Variants in ENOX1 observed in about 807,000 individuals in gnomAD.
The protein encoded by ENOX1 is ecto-NOX disulfide-thiol exchanger 1, also known as candidate growth-related and time keeping constitutive hydroquinone (NADH) oxidase.
ENOX1 carries 42 observed loss-of-function variants against 82.5 expected under a neutral mutation model. That is an observed-to-expected ratio of 0.51 (90% CI 0.40 to 0.66). ENOX1 has a LOEUF of 0.66. Ranked by LOEUF, ENOX1 falls within the 30% of genes least tolerant of loss-of-function variation. The pLI is 0.00. For missense variants in ENOX1, 608 were observed against 811.6 expected (o/e 0.75, Z 3.05); for synonymous variants, 271 against 282.2 (o/e 0.96, Z 0.40).
chr13:43,570,306 G>A (rs2080120792), intron 2 of ENOX1, among the ~76,000 whole-genome samples: 1 of 152,154 alleles, frequency 6.6e-6, no homozygotes, highest in Non-Finnish European at 1.5e-5. Flanking sequence ...ATGGTCATCT[G>A]AGAGTCAGCA....
At chr13:43,608,772 T>C (rs1404588186) in intron 2 of ENOX1, among the ~76,000 whole-genome samples, 1 of 152,146 alleles carries the variant, frequency 6.6e-6, no homozygotes, top group Non-Finnish European at 1.5e-5. Context: ...CTAATGTGCT[T>C]TGAACCAGCA....
rs146139660 is a variant in ENOX1 at position 43,431,481 on chromosome 13, C to G, written c.-74-18493G>C. Among the ~76,000 whole-genome samples, 49 of 152,250 alleles carry G rather than the reference C, an allele frequency of 3.2e-4. 1 individual carries two copies. In the East Asian group the frequency reaches 9.1e-3, roughly 28 times the overall value. On this transcript the variant is annotated intron_variant, in intron 3 of 16. Coordinates refer to ENST00000690772, the MANE Select transcript of ENOX1 (RefSeq NM_001347969.2). ...CTTCTACTAGCCTTATTTTCTTTCT[C>G]TCTAGGATTTCTTGGCATCTGAGGT... is the stretch of plus-strand genomic sequence containing the variant.
At chr13:43,382,850 G>A (rs2052152435) in intron 5 of ENOX1, among the ~76,000 whole-genome samples, 1 of 152,110 alleles carries the variant, frequency 6.6e-6, no homozygotes, top group Admixed American at 6.6e-5. Flanking sequence ...CGAAAACACT[G>A]CCACAGTGAA....
At chr13:43,650,781 T>C (rs2084128394) in intron 2 of ENOX1, among the ~76,000 whole-genome samples, 1 of 152,136 alleles carries the variant, frequency 6.6e-6, no homozygotes, top group East Asian at 1.9e-4. Flanking sequence ...GAGGTTGCAG[T>C]GAGCTGAGAT....
chr13:43,247,856 TATA>T (rs2043187224), intron 14 of ENOX1, among the ~76,000 whole-genome samples: 1 of 4,334 alleles, frequency 2.3e-4, no homozygotes. Context: ...TATATATATA[TATA>T]TATATATATA....
At chr13:43,493,461 G>A (rs1031304389) in intron 2 of ENOX1, among the ~76,000 whole-genome samples, 1 of 152,170 alleles carries the variant, frequency 6.6e-6, no homozygotes, top group Non-Finnish European at 1.5e-5. Flanking sequence ...GGAGTCCAAG[G>A]ACAACAGAGT....
chr13:43,223,729 G>A (rs2041900185), intron 16 of ENOX1, among the ~76,000 whole-genome samples: 1 of 152,118 alleles, frequency 6.6e-6, no homozygotes, highest in Admixed American at 6.6e-5. Flanking sequence ...TGCCCTATTA[G>A]CCACACTCAC....
At chr13:43,490,898 CT>C (rs1207639290) in intron 2 of ENOX1, among the ~76,000 whole-genome samples, 1 of 152,226 alleles carries the variant, frequency 6.6e-6, no homozygotes, top group Non-Finnish European at 1.5e-5. Flanking sequence ...ATCCCTTTCA[CT>C]GAAAACCTGT....
chr13:43,253,992 A>T (rs997212404), intron 14 of ENOX1, among the ~76,000 whole-genome samples: 1 of 152,182 alleles, frequency 6.6e-6, no homozygotes, highest in African/African-American at 2.4e-5. Context: ...TCATGTCTGT[A>T]TGTTTGTATA....
At chr13:43,721,690 C>A (rs898313074) in intron 1 of ENOX1, among the ~76,000 whole-genome samples, 7 of 152,074 alleles carry the variant, frequency 4.6e-5, no homozygotes, top group Non-Finnish European at 1.0e-4. Context: ...TATTTTATAT[C>A]TTTACTGGCA....
chr13:43,743,837 T>C (rs928526965), intron 1 of ENOX1, among the ~76,000 whole-genome samples: 1 of 152,192 alleles, frequency 6.6e-6, no homozygotes, highest in African/African-American at 2.4e-5. Context: ...TTCTGGAGGC[T>C]AGGAAGTCTA....
chr13:43,524,266 CCT>C (rs2077897598), intron 2 of ENOX1, among the ~76,000 whole-genome samples: 1 of 152,128 alleles, frequency 6.6e-6, no homozygotes. Context: ...TTTCTTAGCT[CCT>C]CTCATTAAAA....
At chr13:43,754,783 T>C (rs1950557375) in intron 1 of ENOX1, among the ~76,000 whole-genome samples, 1 of 151,914 alleles carries the variant, frequency 6.6e-6, no homozygotes, top group South Asian at 2.1e-4. Flanking sequence ...TGTTGCCGAG[T>C]CTAGTTTCAA....
At chr13:43,345,313 A>G (rs2049312652) in intron 8 of ENOX1, among the ~76,000 whole-genome samples, 1 of 152,220 alleles carries the variant, frequency 6.6e-6, no homozygotes, top group Non-Finnish European at 1.5e-5. Context: ...AACTAATTCC[A>G]TTTTAGGGCT....
intron 3 of ENOX1, among the ~76,000 whole-genome samples, chr13:43,441,488 C>T (rs2056352579): frequency 6.6e-6 from 1 of 152,106 alleles, no homozygotes; most frequent in Non-Finnish European, 1.5e-5. Flanking sequence ...CCATTTGCAG[C>T]AAGGAGAAAG....
intron 2 of ENOX1, among the ~76,000 whole-genome samples, chr13:43,592,335 T>TA (rs1279432536): frequency 2.0e-5 from 3 of 152,192 alleles, no homozygotes; most frequent in Non-Finnish European, 4.4e-5. Context: ...CATACTGCAA[T>TA]AAAAAATTTA....
At chr13:43,756,379 A>G (rs1594705106) in intron 1 of ENOX1, among the ~76,000 whole-genome samples, 1 of 149,428 alleles carries the variant, frequency 6.7e-6, no homozygotes, top group African/African-American at 2.5e-5. Context: ...GCCGCAGTGA[A>G]CCGGGATCGT....
chr13:43,580,467 A>C (rs2080665042), intron 2 of ENOX1, among the ~76,000 whole-genome samples: 1 of 152,236 alleles, frequency 6.6e-6, no homozygotes, highest in Non-Finnish European at 1.5e-5. Context: ...GAATAGCTGC[A>C]CTAAGAACAG....
chr13:43,222,065 G>T (rs1184139239), intron 16 of ENOX1, among the ~76,000 whole-genome samples: 4 of 152,176 alleles, frequency 2.6e-5, no homozygotes, highest in African/African-American at 9.7e-5. Flanking sequence ...CTATCTGGGA[G>T]TAGGCAGGGG....
Sources: gnomAD v4.1 joint callset for allele counts (sites outside exome capture counted in the v4.1 genomes callset) on GRCh38, gnomAD v4.1.1 for gene constraint, MANE v1.5 for transcripts, NCBI Gene and HGNC (gene_info 2026-07-23, HGNC 2026-07-21) for gene names.